Variants in RFC4 observed in about 807,000 individuals in gnomAD.
RFC4 encodes the protein A1 37 kDa subunit.
Under a neutral mutation model 47.6 loss-of-function variants are expected in RFC4, and 38 were observed. That is an observed-to-expected ratio of 0.80 (90% CI 0.62 to 1.05). The LOEUF (loss-of-function observed/expected upper bound fraction) is 1.05, where lower values mean the gene tolerates loss of function less well. RFC4 is among the 50% of genes least tolerant of loss of function. RFC4 has a pLI of 0.00. For synonymous variants in RFC4, 164 were observed against 150.0 expected (o/e 1.09, Z -0.68); for missense variants, 489 against 434.0 (o/e 1.13, Z -1.13).
At chr3:186,803,603 A>T (rs935233373) in intron 2 of RFC4, among the ~76,000 whole-genome samples, 2 of 151,190 alleles carry the variant, frequency 1.3e-5, no homozygotes, top group African/African-American at 4.9e-5. Context: ...TCCCAGGTTC[A>T]AGTGATTCTC....
Position 186,801,114 on chromosome 3 carries a change from C to T in RFC4, c.210+3G>A, listed in dbSNP as rs1311942663. 3.1e-6 allele frequency: 5 copies of T among 1,608,074 alleles called. No homozygotes were observed. Among genetic ancestry groups the T allele is most frequent in the Non-Finnish European group, 3.4e-6 (4 of 1,174,670 alleles). On this transcript the variant is annotated splice_donor_region_variant and intron_variant, in intron 3 of 10. Transcript: ENST00000296273. ...ATGACATTAAACACCATTTGCAACT[C>T]ACATCTGCTCCTTCTAAAGATTTTT...
At chr3:186,800,045 TCC>T (rs945867516) in intron 3 of RFC4, among the ~76,000 whole-genome samples, 4 of 152,144 alleles carry the variant, frequency 2.6e-5, no homozygotes, top group Non-Finnish European at 4.4e-5. Flanking sequence ...CCCCTCCGCC[TCC>T]CAGGTTCAAA....
rs1287147323 is a variant in RFC4, at chr3:186,796,409, C to T, written c.290+1126G>A. Among the ~76,000 whole-genome samples, 2 of 152,094 alleles carry T rather than the reference C, an allele frequency of 1.3e-5. No individual in the cohort carries two copies. Among genetic ancestry groups the T allele is most frequent in the Non-Finnish European group, 1.5e-5 (1 of 68,008 alleles). Reference sequence around the variant, plus strand: ...TTGCTGTCAAATAAAATATTAGGCACATAGCAGCTTCTCCCTTTGTCTTTT... The same window carrying T: ...TTGCTGTCAAATAAAATATTAGGCATATAGCAGCTTCTCCCTTTGTCTTTT... On this transcript the variant is annotated intron_variant, in intron 4 of 10. Transcript: ENST00000296273. This position sits in a 1 kb window ranked among gnomAD's most constrained non-coding sequence, Gnocchi z 4.2.
At chr3:186,801,040 A>T in intron 3 of RFC4, 77 bp downstream of exon 3, 1 of 1,063,608 alleles carries the variant, frequency 9.4e-7, no homozygotes, top group Non-Finnish European at 1.5e-6. Context: ...GAGGGCTAGA[A>T]GTTATAAAGG....
intron 4 of RFC4, among the ~76,000 whole-genome samples, chr3:186,795,610 T>C (rs536413198): frequency 6.6e-6 from 1 of 152,148 alleles, no homozygotes; most frequent in East Asian, 1.9e-4. Flanking sequence ...CTGACCAACG[T>C]GGTGAAACCC....
chr3:186,800,713 A>G (rs981324163), intron 3 of RFC4, among the ~76,000 whole-genome samples: 2 of 152,168 alleles, frequency 1.3e-5, no homozygotes, highest in African/African-American at 4.8e-5. Flanking sequence ...AAGCAATTAT[A>G]CTTTAGAGGA....
rs1481960583 is a variant in RFC4, at chr3:186,806,350, T to C, written c.-72A>G. The C allele has an allele frequency of 6.6e-6, 1 of 152,230 alleles. No individual in the cohort carries two copies. Among genetic ancestry groups the C allele is most frequent in the African/African-American group, 2.4e-5 (1 of 41,460 alleles). The allele number at this position is 152,230 out of a possible 1,614,324, so 9.4% of individuals were successfully genotyped here. On this transcript the variant is annotated 5_prime_UTR_variant, in exon 1 of 11. Coordinates refer to ENST00000296273, the MANE Select transcript of RFC4 (RefSeq NM_002916.5). ...CGGCTCGTTCCTCAGGTTTCCGCGA[T>C]ACAAAAAGGACGAGATGGTCTCGAA...
At chr3:186,797,734 C>A in intron 3 of RFC4, 120 bp from the exon 4 acceptor site, 1 of 626,656 alleles carries the variant, frequency 1.6e-6, no homozygotes, top group Admixed American at 2.8e-5. Context: ...CACGTAATTT[C>A]TAAGTATAAA....
At chr3:186,792,661 A>C (rs1374776727) in intron 6 of RFC4, 51 bp from the exon 7 acceptor site, 11 of 1,584,362 alleles carry the variant, frequency 6.9e-6, no homozygotes, top group Non-Finnish European at 9.5e-6. Flanking sequence ...GAATTTCCCC[A>C]AAAGAACTCA....
chr3:186,790,873 T>C (rs1722105080), intron 8 of RFC4, among the ~76,000 whole-genome samples: 1 of 152,112 alleles, frequency 6.6e-6, no homozygotes, highest in South Asian at 2.1e-4. Flanking sequence ...ACCAGTCTTG[T>C]CATATGGAAG....
At position 186,804,665 on chromosome 3, in the gene RFC4, T is replaced by A. The variant is rs1722436641; in HGVS notation, c.49A>T (p.Thr17Ser). ...GTSISTKPPL[T>S]KDRGVAASAG... ...CTGGCAGCTACTCCTCGATCCTTGG[T>A]CAGCGGGGGTTTAGTACTGATGGAT... Residue 17 changes from threonine to serine, a missense_variant, in exon 2 of 11, where the codon ACC becomes TCC. This residue lies in a region of RFC4 where 206 missense variants were observed against 257.8 expected (regional missense o/e 0.80). Transcript: ENST00000296273. 1 of 1,614,052 alleles carries A rather than the reference T, an allele frequency of 6.2e-7. No individual in the cohort carries two copies. The highest frequency in any genetic ancestry group is 1.1e-5 in the South Asian group (1 of 91,072).
intron 3 of RFC4, among the ~76,000 whole-genome samples, chr3:186,800,027 C>T (rs1169309589): frequency 6.6e-6 from 1 of 152,130 alleles, no homozygotes; most frequent in Non-Finnish European, 1.5e-5. Context: ...AATCTTGGCT[C>T]ACTGCAACCC....
intron 3 of RFC4, among the ~76,000 whole-genome samples, chr3:186,799,744 C>T (rs1722313641): frequency 6.6e-6 from 1 of 151,800 alleles, no homozygotes; most frequent in Non-Finnish European, 1.5e-5. Context: ...AACAAAAGAA[C>T]TGGATCTTAA....
At chr3:186,799,910 T>A (rs1722317862) in intron 3 of RFC4, among the ~76,000 whole-genome samples, 1 of 152,122 alleles carries the variant, frequency 6.6e-6, no homozygotes, top group South Asian at 2.1e-4. Context: ...ATTATAAAAT[T>A]AAAAGGTATA....
intron 8 of RFC4, 122 bp from the exon 9 acceptor site, chr3:186,790,528 GA>G (rs1159027906): frequency 4.1e-6 from 3 of 727,080 alleles, no homozygotes; most frequent in Non-Finnish European, 7.4e-6. Flanking sequence ...ACTTTCCTGG[GA>G]AGGCTTTGGG....
chr3:186,796,047 ACACACAC>A lies in RFC4; in HGVS notation c.291-1277_291-1271del, dbSNP rs938889721. On this transcript the variant is annotated intron_variant, in intron 4 of 10. Transcript: ENST00000296273. The surrounding 1 kb of genome is among the most constrained non-coding windows in gnomAD (Gnocchi z 4.2). ...CTTTTACACACACACACACACACAC[ACACACAC>A]ATTTAAATAAAAAACAAGAGTTGTG... is the stretch of plus-strand genomic sequence containing the variant. Among the ~76,000 whole-genome samples, 1 of 151,888 alleles carries A rather than the reference ACACACAC, an allele frequency of 6.6e-6. No homozygotes were observed. The highest frequency in any genetic ancestry group is 2.4e-5 in the African/African-American group (1 of 41,286).
intron 3 of RFC4, among the ~76,000 whole-genome samples, chr3:186,798,661 G>A (rs1271941526): frequency 1.3e-5 from 2 of 152,012 alleles, no homozygotes; most frequent in Non-Finnish European, 2.9e-5. Flanking sequence ...GGCACTTTCT[G>A]GCCCGAACAT....
intron 8 of RFC4, among the ~76,000 whole-genome samples, chr3:186,790,746 G>A (rs1722096979): frequency 6.6e-6 from 1 of 152,166 alleles, no homozygotes; most frequent in East Asian, 1.9e-4. Flanking sequence ...CAATCAAAAA[G>A]ACTGATTTCT....
In RFC4 at chr3:186,796,373, A is replaced by G. The variant is rs1483154324; in HGVS notation, c.290+1162T>C. ...AAAAAGTTCTTCTATAATTTTACTGAGAATAAAAAATTGCTGTCAAATAAA... is the reference window on the plus strand; with the variant it reads ...AAAAAGTTCTTCTATAATTTTACTGGGAATAAAAAATTGCTGTCAAATAAA... On this transcript the variant is annotated intron_variant, in intron 4 of 10. Transcript: ENST00000296273. The surrounding 1 kb of genome is among the most constrained non-coding windows in gnomAD (Gnocchi z 4.2). 6.6e-6 allele frequency among the ~76,000 whole-genome samples: 1 copy of G among 152,254 alleles called. No homozygotes were observed. The highest frequency in any genetic ancestry group is 2.4e-5 in the African/African-American group (1 of 41,474).
Sources: allele counts gnomAD v4.1 joint callset (sites outside exome capture counted in the v4.1 genomes callset), GRCh38; gene constraint gnomAD v4.1.1; regional missense constraint gnomAD v4.1.1; non-coding constraint Gnocchi (gnomAD v3.1); transcripts MANE v1.5; gene names NCBI Gene and HGNC (gene_info 2026-07-23, HGNC 2026-07-21).